NRSN1: variants seen among roughly 807,000 people sequenced by gnomAD.
NRSN1 encodes the protein neurensin-1.
In NRSN1, 14 loss-of-function variants were observed where a neutral mutation model predicts 17.3. The ratio of observed to expected loss-of-function variants is 0.81; its 90% confidence interval spans 0.54 to 1.27. The LOEUF is 1.27. Ranked by LOEUF, NRSN1 falls within the 50% of genes most tolerant of loss-of-function variation. NRSN1 has a pLI of 0.00. For missense variants in NRSN1, 209 were observed against 235.9 expected, an observed-to-expected ratio of 0.89 and a Z score of 0.75; for synonymous variants, 79 against 94.2, an observed-to-expected ratio of 0.84 and a Z score of 0.93.
chr6:24,126,229 G>C lies in NRSN1; in HGVS notation c.-194G>C, dbSNP rs1266261176. ...GACTCCCAGCTGTCAATCAGGCGCG[G>C]GCTGAGCTCTACGAGGCGGAGCGGC... On this transcript the variant is annotated 5_prime_UTR_variant, in exon 1 of 4. Coordinates refer to ENST00000378491, the MANE Select transcript of NRSN1 (RefSeq NM_080723.5). 5.3e-6 allele frequency: 1 copy of C among 188,562 alleles called. No individual in the cohort carries two copies. The highest frequency in any genetic ancestry group is 1.1e-5 in the Non-Finnish European group (1 of 94,324). 11.7% of individuals were successfully genotyped at this position (188,562 alleles called of 1,614,324 possible). A position where few individuals can be genotyped will look rare whatever the true frequency, so the allele number is the denominator to read the frequency against.
At chr6:24,141,282 A>G (rs1160830624) in intron 3 of NRSN1, 5 of 1,241,548 alleles carry the variant, frequency 4.0e-6, no homozygotes, top group African/African-American at 1.6e-5. Context: ...AATTTTTATG[A>G]TACTGTATGG....
intron 2 of NRSN1, 78 bp downstream of exon 2, chr6:24,128,278 A>G (rs1047733831): frequency 1.3e-5 from 2 of 152,198 alleles, no homozygotes; most frequent in African/African-American, 4.8e-5. Flanking sequence ...ATTAAAAGAG[A>G]ATATGGGTTC....
Position 24,134,501 on chromosome 6 carries a change from C to T in NRSN1, c.174C>T (p.Ser58=). 1.2e-6 allele frequency: 2 copies of T among 1,613,778 alleles called. No homozygotes were observed. The highest frequency in any genetic ancestry group is 1.7e-4 in the Middle Eastern group (1 of 6,060). ...TCCAAAGATCACCTAACAGGTGGAG[C>T]TCAGTATTCTGGAAGGTAAGGAAGG... ...FQIQRSPNRW[S]SVFWKVGLIS... is the part of the protein sequence containing the mutation. Residue 58 remains serine, a synonymous_variant, in exon 3 of 4, where the codon AGC becomes AGT. Transcript: ENST00000378491.
chr6:24,133,039 ATTCT>A lies in NRSN1; in HGVS notation c.-9-1273_-9-1270del, dbSNP rs1307250376. Among the ~76,000 whole-genome samples, 5 of 152,206 alleles carry A rather than the reference ATTCT, an allele frequency of 3.3e-5. No individual in the cohort carries two copies. The East Asian group carries it at 5.8e-4, about 18-fold the overall frequency. ...TCAACAAAATTACTGTCACTCAGTA[ATTCT>A]TTCTTTTTTTTAACCATGATTAGTA... On this transcript the variant is annotated intron_variant, in intron 2 of 3. Transcript: ENST00000378491.
intron 3 of NRSN1, among the ~76,000 whole-genome samples, chr6:24,134,962 C>T (rs973923701): frequency 6.6e-6 from 1 of 152,142 alleles, no homozygotes; most frequent in Admixed American, 6.5e-5. Flanking sequence ...ATACCAGCTC[C>T]GTCTCTACCG....
rs553674309 is a variant in NRSN1 at position 24,146,138 on chromosome 6, G to A, written c.*192G>A. The A allele has an allele frequency of 7.2e-5, 52 of 723,468 alleles. No individual in the cohort carries two copies. The highest frequency in any genetic ancestry group is 4.6e-4 in the Middle Eastern group (2 of 4,358). The allele number at this position is 723,468 out of a possible 1,614,324, so 44.8% of individuals were successfully genotyped here. A position where few individuals can be genotyped will look rare whatever the true frequency, so the allele number is the denominator to read the frequency against. On this transcript the variant is annotated 3_prime_UTR_variant, in exon 4 of 4. Coordinates refer to ENST00000378491, the MANE Select transcript of NRSN1 (RefSeq NM_080723.5). ...GGAGGGCGGTGCCATGCCTAAGCCT[G>A]TGCACATGCATCCAGCTGCTTAAGA...
chr6:24,134,176 T>C, intron 2 of NRSN1, 143 bp from the exon 3 acceptor site: 1 of 678,956 alleles, frequency 1.5e-6, no homozygotes, highest in Non-Finnish European at 2.4e-6. Context: ...GAGAGAGGGG[T>C]CTTTAAAAGT....
At chr6:24,132,616 G>A (rs1760052972) in intron 2 of NRSN1, among the ~76,000 whole-genome samples, 1 of 152,128 alleles carries the variant, frequency 6.6e-6, no homozygotes, top group Non-Finnish European at 1.5e-5. Flanking sequence ...TATTCAAACA[G>A]TGTGGCAGCT....
intron 3 of NRSN1, among the ~76,000 whole-genome samples, chr6:24,137,920 C>A (rs373175639): frequency 6.6e-6 from 1 of 151,996 alleles, no homozygotes. Flanking sequence ...ATTGCAAAAG[C>A]TAAGAGTCAT....
chr6:24,141,791 A>G (rs548929428), intron 3 of NRSN1, among the ~76,000 whole-genome samples: 1 of 152,298 alleles, frequency 6.6e-6, no homozygotes, highest in East Asian at 1.9e-4. Flanking sequence ...CAGCAGTCTG[A>G]TGGTTTAAGT....
At chr6:24,138,250 T>C (rs964217464) in intron 3 of NRSN1, among the ~76,000 whole-genome samples, 2 of 152,162 alleles carry the variant, frequency 1.3e-5, no homozygotes, top group Non-Finnish European at 2.9e-5. Context: ...GGTTGCTGCA[T>C]GACTACCTCA....
intron 3 of NRSN1, among the ~76,000 whole-genome samples, chr6:24,139,805 C>T (rs1760174215): frequency 6.6e-6 from 1 of 152,026 alleles, no homozygotes; most frequent in Non-Finnish European, 1.5e-5. Flanking sequence ...GCCTATAATC[C>T]CAGAGGACTC....
chr6:24,130,632 A>C (rs189246817), intron 2 of NRSN1, among the ~76,000 whole-genome samples: 7 of 152,302 alleles, frequency 4.6e-5, no homozygotes, highest in Admixed American at 4.6e-4. Context: ...TACTGAAGTA[A>C]CTTGTTAAAC....
intron 3 of NRSN1, among the ~76,000 whole-genome samples, chr6:24,138,123 A>G (rs1760144663): frequency 6.6e-6 from 1 of 152,158 alleles, no homozygotes; most frequent in African/African-American, 2.4e-5. Context: ...AGGGGGCAAG[A>G]TAATGAATCT....
intron 2 of NRSN1, among the ~76,000 whole-genome samples, chr6:24,131,989 T>C (rs1240902440): frequency 6.6e-6 from 1 of 151,552 alleles, no homozygotes; most frequent in African/African-American, 2.4e-5. Context: ...CTTGCCTCCC[T>C]GCACTCTTTC....
At chr6:24,133,968 C>T (rs542032526) in intron 2 of NRSN1, among the ~76,000 whole-genome samples, 16 of 150,960 alleles carry the variant, frequency 1.1e-4, no homozygotes, top group Non-Finnish European at 2.2e-4. Flanking sequence ...TCCCAAGTAG[C>T]TGGGACTACA....
chr6:24,140,349 T>C (rs1322249650), intron 3 of NRSN1, among the ~76,000 whole-genome samples: 1 of 152,164 alleles, frequency 6.6e-6, no homozygotes, highest in African/African-American at 2.4e-5. Flanking sequence ...GAAGAGCTGA[T>C]GTGATTTCAC....
intron 1 of NRSN1, among the ~76,000 whole-genome samples, chr6:24,126,629 G>A (rs929594842): frequency 2.2e-4 from 34 of 152,252 alleles, no homozygotes; most frequent in African/African-American, 7.9e-4. Flanking sequence ...GGGGCACGAG[G>A]GGCGTACAGC....
Position 24,146,260 on chromosome 6 carries a change from G to T in NRSN1, c.*314G>T. 1 of 585,954 alleles carries T rather than the reference G, an allele frequency of 1.7e-6. No individual in the cohort carries two copies. The allele number at this position is 585,954 out of a possible 1,614,324, so 36.3% of individuals were successfully genotyped here. ...ATTTTCCGTGTTGTTTGAAAGTGCC[G>T]AACAGTTTAGACCAGCTCACCAATG... On this transcript the variant is annotated 3_prime_UTR_variant, in exon 4 of 4. Transcript: ENST00000378491.
Sources: gnomAD v4.1 joint callset for allele counts (sites outside exome capture counted in the v4.1 genomes callset) on GRCh38, gnomAD v4.1.1 for gene constraint, MANE v1.5 for transcripts, NCBI Gene and HGNC (gene_info 2026-07-23, HGNC 2026-07-21) for gene names.